The following ATG14 variants were observed in gnomAD, a reference collection of about 807,000 sequenced individuals.
ATG14 encodes the protein beclin 1-associated autophagy-related key regulator.
Under a neutral mutation model 60.4 loss-of-function variants are expected in ATG14, and 35 were observed. That is an observed-to-expected ratio of 0.58 (90% confidence interval 0.44 to 0.77). ATG14 has a LOEUF of 0.77. Among genes scored for constraint, ATG14 ranks in the 30% least tolerant of loss-of-function variants. ATG14 has a pLI of 0.00. For missense variants in ATG14, 647 were observed against 626.3 expected (o/e 1.03, Z -0.35); for synonymous variants, 234 against 228.8 (o/e 1.02, Z -0.21).
Position 55,369,540 on chromosome 14 carries a change from T to TAAAC in ATG14, c.*75_*78dup. On this transcript the variant is annotated 3_prime_UTR_variant, in exon 10 of 10. Transcript: ENST00000247178. ...CTTTGTTCCAGACACTATCTTAACTTAAACAGAAAATGTTTACTAGAGTGT... is the reference window on the plus strand; with the variant it reads ...CTTTGTTCCAGACACTATCTTAACTTAAACAAACAGAAAATGTTTACTAGAGTGT... 2 of 1,308,890 alleles carry TAAAC rather than the reference T, an allele frequency of 1.5e-6. No individual in the cohort carries two copies. Among genetic ancestry groups the TAAAC allele is most frequent in the East Asian group, 2.4e-5 (1 of 42,204 alleles). 81.1% of individuals were successfully genotyped at this position (1,308,890 alleles called of 1,614,324 possible).
At chr14:55,373,718 C>G (rs1009884978) in intron 9 of ATG14, among the ~76,000 whole-genome samples, 1 of 151,858 alleles carries the variant, frequency 6.6e-6, no homozygotes, top group Non-Finnish European at 1.5e-5. Flanking sequence ...CTCAGCCTCC[C>G]AAAGTGCTGG....
intron 3 of ATG14, among the ~76,000 whole-genome samples, chr14:55,392,020 C>T (rs1159313373): frequency 1.3e-5 from 2 of 152,112 alleles, no homozygotes; most frequent in Non-Finnish European, 2.9e-5. Context: ...TTTTTGGCAC[C>T]AGGGACCAGT....
At chr14:55,409,129 T>G (rs1388657413) in intron 1 of ATG14, among the ~76,000 whole-genome samples, 1 of 152,212 alleles carries the variant, frequency 6.6e-6, no homozygotes, top group African/African-American at 2.4e-5. Context: ...AAAACTCGGA[T>G]AGATTCAAGA....
chr14:55,380,665 G>T lies in ATG14; in HGVS notation c.903C>A (p.Tyr301Ter). The change falls in exon 7 of 10, where the codon TAC (tyrosine) becomes TAA (stop). Residue 301 changes from tyrosine (Y) to a stop codon, truncating the protein, a stop_gained. Coordinates refer to ENST00000247178, the MANE Select transcript of ATG14 (RefSeq NM_014924.5). LOFTEE classifies it high-confidence loss of function. ...GPDMEQSNPA[Y>*]TISAALCYAT... Reference sequence around the variant, plus strand: ...CATAGCACAGCGCAGCACTGATGGTGTAGGCAGGGTTACTCTGCTCCATGT... The same window carrying T: ...CATAGCACAGCGCAGCACTGATGGTTTAGGCAGGGTTACTCTGCTCCATGT... 6.2e-7 allele frequency: 1 copy of T among 1,609,926 alleles called. No homozygotes were observed. The highest frequency in any genetic ancestry group is 1.3e-5 in the African/African-American group (1 of 74,858).
At position 55,367,170 on chromosome 14, in the gene ATG14, A is replaced by C. The variant is rs541798570; in HGVS notation, c.*2449T>G. 1.3e-5 allele frequency: 2 copies of C among 152,264 alleles called. No individual in the cohort carries two copies. Among genetic ancestry groups the C allele is most frequent in the African/African-American group, 4.8e-5 (2 of 41,442 alleles). 9.4% of individuals were successfully genotyped at this position (152,264 alleles called of 1,614,324 possible). On this transcript the variant is annotated 3_prime_UTR_variant, in exon 10 of 10. Coordinates refer to ENST00000247178, the MANE Select transcript of ATG14 (RefSeq NM_014924.5). ...AGCTTCATCTCTCATTCATGGTTTC[A>C]TAAGAGGCTTAAGAAAACCATGACT... is the stretch of plus-strand genomic sequence containing the variant.
chr14:55,378,034 G>C lies in ATG14; in HGVS notation c.1036C>G (p.Arg346Gly), dbSNP rs540139563. The C allele has an allele frequency of 3.0e-5, 48 of 1,612,900 alleles. 1 individual carries two copies. The South Asian group carries it at 4.9e-4, about 17-fold the overall frequency. Residue 346 changes from arginine to glycine, a missense_variant, in exon 8 of 10, where the codon CGA (arginine) becomes GGA (glycine). Coordinates refer to ENST00000247178, the MANE Select transcript of ATG14 (RefSeq NM_014924.5). ...GENLSKQKFT[R>G]AVKKLNANIL... ...TTTGCATTCAGTTTCTTCACTGCTC[G>C]AGTAAATTTCTGCTTGCTTAGATTT...
intron 5 of ATG14, among the ~76,000 whole-genome samples, chr14:55,385,344 G>A (rs909123044): frequency 2.0e-5 from 3 of 152,106 alleles, no homozygotes; most frequent in Admixed American, 6.5e-5. Flanking sequence ...CCAGGCTGGA[G>A]TGCAGTGACA....
chr14:55,404,544 T>C (rs1885458874), intron 1 of ATG14, among the ~76,000 whole-genome samples: 1 of 152,184 alleles, frequency 6.6e-6, no homozygotes, highest in African/African-American at 2.4e-5. Flanking sequence ...TGTCTTTTGG[T>C]GTTCAAAAGA....
At chr14:55,401,636 T>C (rs989250490) in intron 1 of ATG14, among the ~76,000 whole-genome samples, 4 of 152,234 alleles carry the variant, frequency 2.6e-5, no homozygotes, top group African/African-American at 9.6e-5. Flanking sequence ...TTCCATACTT[T>C]TATGACTTAT....
At chr14:55,405,271 A>G (rs545358899) in intron 1 of ATG14, among the ~76,000 whole-genome samples, 2 of 152,354 alleles carry the variant, frequency 1.3e-5, no homozygotes, top group Non-Finnish European at 2.9e-5. Flanking sequence ...TATCTAAAGG[A>G]TATTTTTTGG....
At chr14:55,401,400 T>A (rs189712904) in intron 1 of ATG14, among the ~76,000 whole-genome samples, 164 of 152,318 alleles carry the variant, frequency 1.1e-3, no homozygotes, top group African/African-American at 3.8e-3. Context: ...GCATACATCT[T>A]TTTGTTGTTG....
chr14:55,409,563 A>G (rs1272005876), intron 1 of ATG14, among the ~76,000 whole-genome samples: 15 of 86,012 alleles, frequency 1.7e-4, no homozygotes, highest in Admixed American at 1.6e-3. Flanking sequence ...CAGGCACCTA[A>G]AAAAAAAAAC....
At chr14:55,411,496 C>T in intron 1 of ATG14, 106 bp downstream of exon 1, 1 of 1,117,554 alleles carries the variant, frequency 8.9e-7, no homozygotes, top group African/African-American at 1.6e-5. Context: ...TCGCTCCTCT[C>T]GCTGGTATCT....
At chr14:55,390,124 G>A (rs1349243783) in intron 4 of ATG14, among the ~76,000 whole-genome samples, 1 of 152,218 alleles carries the variant, frequency 6.6e-6, no homozygotes, top group Non-Finnish European at 1.5e-5. Context: ...AGGCTGGAGT[G>A]CAATGGCACG....
At position 55,369,945 on chromosome 14, in the gene ATG14, G is replaced by T. The variant is rs1378730194; in HGVS notation, c.1173-20C>A. The T allele has an allele frequency of 1.9e-6, 3 of 1,570,894 alleles. No homozygotes were observed. The highest frequency in any genetic ancestry group is 2.3e-5 in the South Asian group (2 of 85,382). ...CCTGACCTGTGTGCAGACAATGAGGGTCTCTTTAGGATAACAACCATTCTC... is the reference window on the plus strand; with the variant it reads ...CCTGACCTGTGTGCAGACAATGAGGTTCTCTTTAGGATAACAACCATTCTC... On this transcript the variant is annotated intron_variant, in intron 9 of 9. Coordinates refer to ENST00000247178, the MANE Select transcript of ATG14 (RefSeq NM_014924.5).
Position 55,367,582 on chromosome 14 carries a change from T to G in ATG14, c.*2037A>C, listed in dbSNP as rs994177479. 6.6e-6 allele frequency: 1 copy of G among 152,072 alleles called. No individual in the cohort carries two copies. Among genetic ancestry groups the G allele is most frequent in the African/African-American group, 2.4e-5 (1 of 41,404 alleles). The allele number at this position is 152,072 out of a possible 1,614,324, so 9.4% of individuals were successfully genotyped here. The stretch of plus-strand genomic sequence containing the variant: ...ACATGGTGAAAACCCCCGTCTTTAC[T>G]AAAATACAAAAATTAGCTGGGCATG... On this transcript the variant is annotated 3_prime_UTR_variant, in exon 10 of 10. Transcript: ENST00000247178.
chr14:55,409,914 TTA>T (rs1463381949), intron 1 of ATG14, among the ~76,000 whole-genome samples: 1 of 152,102 alleles, frequency 6.6e-6, no homozygotes, highest in African/African-American at 2.4e-5. Flanking sequence ...GGAAATAAGT[TTA>T]TGTCTCTGGT....
In ATG14 at chr14:55,382,160, T is replaced by C; in HGVS notation, c.679A>G (p.Ser227Gly). 1 of 1,614,142 alleles carries C rather than the reference T, an allele frequency of 6.2e-7. No homozygotes were observed. The highest frequency in any genetic ancestry group is 8.5e-7 in the Non-Finnish European group (1 of 1,180,020). Residue 227 changes from serine to glycine, a missense_variant, in exon 6 of 10, where the codon AGT becomes GGT. Transcript: ENST00000247178. ...DPADVSSESD[S>G]AMTSSTVSKL... is the part of the protein sequence containing the mutation. Reference sequence around the variant, plus strand: ...CTCACAGTGCTGGAGGTCATGGCACTGTCACTCTCTGAAGACACATCTGCG... The same window carrying C: ...CTCACAGTGCTGGAGGTCATGGCACCGTCACTCTCTGAAGACACATCTGCG...
intron 1 of ATG14, among the ~76,000 whole-genome samples, chr14:55,400,684 C>A (rs1438768337): frequency 6.6e-6 from 1 of 152,112 alleles, no homozygotes; most frequent in African/African-American, 2.4e-5. Flanking sequence ...GGGTGGATCA[C>A]CTGAGGTCAG....
Sources: gnomAD v4.1 joint callset for allele counts (sites outside exome capture counted in the v4.1 genomes callset) on GRCh38, gnomAD v4.1.1 for gene constraint, MANE v1.5 for transcripts, NCBI Gene and HGNC (gene_info 2026-07-23, HGNC 2026-07-21) for gene names.